The following UBN2 variants were observed in gnomAD, a reference collection of about 807,000 sequenced individuals.
The protein encoded by UBN2 is ubinuclein 2.
UBN2 carries 35 observed loss-of-function variants against 120.2 expected under a neutral mutation model. That is an observed-to-expected ratio of 0.29 (90% CI 0.22 to 0.39). UBN2 has a LOEUF of 0.39. UBN2 is among the 10% of genes least tolerant of loss of function. UBN2 has a pLI of 1.00. For missense variants in UBN2, 1,693 were observed against 1,663.2 expected, an observed-to-expected ratio of 1.02 and a Z score of -0.31; for synonymous variants, 661 against 648.7, an observed-to-expected ratio of 1.02 and a Z score of -0.29.
At chr7:139,247,179 C>T (rs1032728000) in intron 2 of UBN2, among the ~76,000 whole-genome samples, 1 of 151,660 alleles carries the variant, frequency 6.6e-6, no homozygotes, top group Non-Finnish European at 1.5e-5. Flanking sequence ...AAAAAACTAC[C>T]AAACCATTTT....
At chr7:139,269,937 T>C (rs1288552099) in intron 8 of UBN2, among the ~76,000 whole-genome samples, 1 of 151,968 alleles carries the variant, frequency 6.6e-6, no homozygotes, top group Non-Finnish European at 1.5e-5. Flanking sequence ...GCCTCCCAAG[T>C]AGCTAGGACT....
At position 139,282,056 on chromosome 7, in the gene UBN2, G is replaced by A. The variant is rs746923172; in HGVS notation, c.2118+1G>A. 4 of 1,613,292 alleles carry A rather than the reference G, an allele frequency of 2.5e-6. No individual in the cohort carries two copies. Among genetic ancestry groups the A allele is most frequent in the East Asian group, 2.2e-5 (1 of 44,758 alleles). Reference sequence around the variant, plus strand: ...CCATTCTTTCCCCACTATGCTTAAGGTAAGTGCTATGGTTGTATCAATCAG... The same window carrying A: ...CCATTCTTTCCCCACTATGCTTAAGATAAGTGCTATGGTTGTATCAATCAG... On this transcript the variant is annotated splice_donor_variant, in intron 14 of 17. Coordinates refer to ENST00000473989, the MANE Select transcript of UBN2 (RefSeq NM_173569.4). LOFTEE classifies it high-confidence loss of function.
At chr7:139,240,454 A>ATATATTTTTTTT (rs371717591) in intron 2 of UBN2, among the ~76,000 whole-genome samples, 3 of 123,148 alleles carry the variant, frequency 2.4e-5, no homozygotes, top group African/African-American at 9.6e-5. Flanking sequence ...ATATATATAT[A>ATATATTTTTTTT]TTTTTTTTTT....
intron 17 of UBN2, among the ~76,000 whole-genome samples, chr7:139,296,557 C>T (rs915582855): frequency 6.6e-6 from 1 of 152,168 alleles, no homozygotes; most frequent in Admixed American, 6.5e-5. Flanking sequence ...AAGGCCATGA[C>T]CTGTTGGAGA....
intron 11 of UBN2, 62 bp downstream of exon 11, chr7:139,274,136 T>A (rs1014538306): frequency 6.9e-7 from 1 of 1,445,668 alleles, no homozygotes; most frequent in Non-Finnish European, 9.2e-7. Flanking sequence ...ATTAAAGATA[T>A]ACATACACAT....
rs772632753 is a variant in UBN2 at position 139,293,253 on chromosome 7, T to C, written c.3691T>C (p.Leu1231=). The change falls in exon 16 of 18, where the codon TTG becomes CTG. Residue 1231 remains leucine, a synonymous_variant. Coordinates refer to ENST00000473989, the MANE Select transcript of UBN2 (RefSeq NM_173569.4). ...SVQSTAGASL[L]ANASPLTLMT... is the part of the protein sequence containing the mutation. Reference sequence around the variant, plus strand: ...ACAGTCCACAGCAGGAGCATCATTATTGGCTAATGCCTCACCTCTGACTCT... The same window carrying C: ...ACAGTCCACAGCAGGAGCATCATTACTGGCTAATGCCTCACCTCTGACTCT... The C allele has an allele frequency of 2.0e-5, 32 of 1,614,120 alleles. No homozygotes were observed. In the Admixed American group the frequency reaches 5.3e-4, roughly 27 times the overall value.
At chr7:139,275,949 A>G (rs775446017) in intron 11 of UBN2, 148 bp from the exon 12 acceptor site, 4 of 646,088 alleles carry the variant, frequency 6.2e-6, no homozygotes, top group Non-Finnish European at 1.1e-5. Flanking sequence ...CATAAAATAG[A>G]TTATTGAGTA....
At chr7:139,231,998 G>A (rs1796032636) in intron 1 of UBN2, 46 bp downstream of exon 1, 1 of 1,553,002 alleles carries the variant, frequency 6.4e-7, no homozygotes, top group African/African-American at 1.4e-5. Flanking sequence ...GGAGCCTCAG[G>A]ACCCGCCGCC....
chr7:139,293,810 A>G, intron 16 of UBN2, 79 bp from the exon 17 acceptor site: 1 of 1,362,182 alleles, frequency 7.3e-7, no homozygotes, highest in Non-Finnish European at 1.0e-6. Flanking sequence ...CCTGCATTAC[A>G]TAAATCAGTT....
intron 3 of UBN2, 61 bp downstream of exon 3, chr7:139,252,118 A>G: frequency 7.1e-7 from 1 of 1,412,430 alleles, no homozygotes; most frequent in Non-Finnish European, 1.0e-6. Context: ...AGTAGAAGTC[A>G]AGGGTAAAGT....
At chr7:139,236,713 A>AT (rs1204181210) in intron 1 of UBN2, among the ~76,000 whole-genome samples, 1 of 150,666 alleles carries the variant, frequency 6.6e-6, no homozygotes, top group Non-Finnish European at 1.5e-5. Flanking sequence ...ATAACTGTAA[A>AT]TTTTTTTTGC....
chr7:139,296,318 A>G (rs538530875), intron 17 of UBN2, among the ~76,000 whole-genome samples: 3 of 152,356 alleles, frequency 2.0e-5, no homozygotes, highest in African/African-American at 7.2e-5. Flanking sequence ...AACAGCCATA[A>G]GGAGTATTTA....
chr7:139,263,034 A>G (rs1363373075), intron 6 of UBN2, among the ~76,000 whole-genome samples: 2 of 152,160 alleles, frequency 1.3e-5, no homozygotes, highest in African/African-American at 4.8e-5. Flanking sequence ...GCTGTTACGA[A>G]GGTTAAACAT....
At chr7:139,328,159 A>G in the UBN2 span, among the ~76,000 whole-genome samples, 3 of 152,196 alleles carry the variant, frequency 2.0e-5, no homozygotes. Context: ...AGACTGGGTA[A>G]TTTATAAAGA....
At chr7:139,323,438 T>C in the UBN2 span, among the ~76,000 whole-genome samples, 1,279 of 152,218 alleles carry the variant, frequency 8.4e-3, 24 homozygotes, top group African/African-American at 0.029. Flanking sequence ...GTTCACAGCA[T>C]ATTTTTGGCA....
At chr7:139,275,833 G>C (rs1042301124) in intron 11 of UBN2, among the ~76,000 whole-genome samples, 1 of 152,048 alleles carries the variant, frequency 6.6e-6, no homozygotes, top group Non-Finnish European at 1.5e-5. Flanking sequence ...AAATTAGCTG[G>C]GCATGGTGGC....
At chr7:139,297,673 T>C (rs542818470) in intron 17 of UBN2, 114 bp from the exon 18 acceptor site, 2 of 921,432 alleles carry the variant, frequency 2.2e-6, no homozygotes, top group South Asian at 1.5e-5. Context: ...AGTGATATCT[T>C]TTCAGAGATG....
At chr7:139,327,438 A>G in the UBN2 span, among the ~76,000 whole-genome samples, 1 of 152,208 alleles carries the variant, frequency 6.6e-6, no homozygotes, top group Non-Finnish European at 1.5e-5. Flanking sequence ...TTTATTTCTC[A>G]TAATTCTGGA....
chr7:139,284,403 T>G lies in UBN2; in HGVS notation c.3498T>G (p.Ile1166Met), dbSNP rs756213522. The G allele has an allele frequency of 8.7e-6, 14 of 1,614,046 alleles. No individual in the cohort carries two copies. The South Asian group carries it at 1.4e-4, about 16-fold the overall frequency. The change falls in exon 15 of 18, where the codon ATT (isoleucine) becomes ATG (methionine). Residue 1166 changes from isoleucine to methionine, a missense_variant. Coordinates refer to ENST00000473989, the MANE Select transcript of UBN2 (RefSeq NM_173569.4). ...TTGGGAAGAACAGCTTGAGTGGAAT[T>G]GCAATGAATGTACCTGCCAGCAGAG... ...GTVGKNSLSG[I>M]AMNVPASRGS...
Sources: gnomAD v4.1 joint callset for allele counts (sites outside exome capture counted in the v4.1 genomes callset) on GRCh38, gnomAD v4.1.1 for gene constraint, MANE v1.5 for transcripts, NCBI Gene and HGNC (gene_info 2026-07-23, HGNC 2026-07-21) for gene names.